COP1: variants seen among roughly 807,000 people sequenced by gnomAD.
The protein encoded by COP1 is E3 ubiquitin-protein ligase COP1.
COP1 carries 24 observed loss-of-function variants against 101.3 expected under a neutral mutation model. The observed-to-expected ratio is 0.24, with a 90% CI of 0.17 to 0.33. COP1 has a LOEUF of 0.33. Ranked by LOEUF, COP1 falls within the 10% of genes least tolerant of loss-of-function variation. The probability of loss-of-function intolerance (pLI) is 1.00; values close to 1 mark genes in which losing one functional copy is unlikely to be tolerated. For missense variants in COP1, 663 were observed against 906.2 expected (o/e 0.73, Z 3.45); for synonymous variants, 347 against 341.9 (o/e 1.01, Z -0.17).
At chr1:176,078,222 T>C (rs1289916131) in intron 11 of COP1, among the ~76,000 whole-genome samples, 1 of 152,122 alleles carries the variant, frequency 6.6e-6, no homozygotes, top group Admixed American at 6.5e-5. Flanking sequence ...CCTGGAGGCA[T>C]CACACTACCC....
At chr1:176,202,886 A>G (rs1700412882) in intron 1 of COP1, among the ~76,000 whole-genome samples, 1 of 152,174 alleles carries the variant, frequency 6.6e-6, no homozygotes. Context: ...TTATGATATT[A>G]TAATTACACA....
chr1:176,096,509 G>T (rs1479915193), intron 9 of COP1, among the ~76,000 whole-genome samples: 3 of 152,314 alleles, frequency 2.0e-5, no homozygotes. Context: ...GGCCTCAGGG[G>T]CCTGGGCCCT....
At chr1:176,166,914 A>G (rs1276455455) in intron 3 of COP1, among the ~76,000 whole-genome samples, 1 of 152,208 alleles carries the variant, frequency 6.6e-6, no homozygotes, top group African/African-American at 2.4e-5. Flanking sequence ...TCCAGCCTGC[A>G]TGACAGAGAG....
At chr1:176,151,357 G>GAA (rs753197621) in intron 5 of COP1, among the ~76,000 whole-genome samples, 1 of 29,532 alleles carries the variant, frequency 3.4e-5, no homozygotes, top group African/African-American at 9.4e-5. Context: ...GAAAGAAAAA[G>GAA]AAAGAAAGAA....
At chr1:176,023,706 G>C (rs1571747709) in intron 15 of COP1, among the ~76,000 whole-genome samples, 1 of 97,002 alleles carries the variant, frequency 1.0e-5, no homozygotes, top group Non-Finnish European at 1.9e-5. Context: ...CAACAAGAGT[G>C]AAACTCCATC....
chr1:175,957,238 C>CCACT (rs1439023385), intron 18 of COP1, among the ~76,000 whole-genome samples: 1 of 151,912 alleles, frequency 6.6e-6, no homozygotes, highest in African/African-American at 2.4e-5. Context: ...CGTTCACTCA[C>CCACT]CACTCACTCC....
chr1:176,139,718 C>G (rs1211027757), intron 6 of COP1, among the ~76,000 whole-genome samples: 1 of 152,064 alleles, frequency 6.6e-6, no homozygotes, highest in Non-Finnish European at 1.5e-5. Flanking sequence ...AAGAGAAAAC[C>G]AAATACCACA....
At chr1:176,043,574 T>A in intron 13 of COP1, 136 bp downstream of exon 13, 1 of 647,994 alleles carries the variant, frequency 1.5e-6, no homozygotes, top group South Asian at 2.0e-5. Flanking sequence ...CATTTGGTAT[T>A]GCATAGGTGT....
In COP1 at chr1:176,086,840, A is replaced by G. The variant is rs1046339244; in HGVS notation, c.1027-950T>C. Among the ~76,000 whole-genome samples the G allele has an allele frequency of 1.4e-4, 22 of 152,246 alleles. 1 individual carries two copies. Among genetic ancestry groups the G allele is most frequent in the Admixed American group, 8.5e-4 (13 of 15,286 alleles). The stretch of plus-strand genomic sequence containing the variant: ...AAAAGAACAAAGCTGGAGGCATCAC[A>G]CTACCTGACTTCAAACTATACTACA... On this transcript the variant is annotated intron_variant, in intron 9 of 19. Coordinates refer to ENST00000367669, the MANE Select transcript of COP1 (RefSeq NM_022457.7).
chr1:176,015,536 T>G (rs958989386), intron 15 of COP1, among the ~76,000 whole-genome samples: 2 of 152,034 alleles, frequency 1.3e-5, no homozygotes, highest in African/African-American at 4.8e-5. Context: ...ATACAATAAT[T>G]GAGCTGAGTA....
chr1:175,966,128 A>G (rs1181308463), intron 18 of COP1, among the ~76,000 whole-genome samples: 1 of 152,204 alleles, frequency 6.6e-6, no homozygotes, highest in Admixed American at 6.5e-5. Context: ...GTAAAAATAT[A>G]TATAAATATG....
chr1:175,978,888 T>C (rs1273333615), intron 18 of COP1, among the ~76,000 whole-genome samples: 2 of 152,148 alleles, frequency 1.3e-5, no homozygotes, highest in Non-Finnish European at 1.5e-5. Flanking sequence ...AAAGTTAGTA[T>C]ATTTTTAGGA....
chr1:176,048,898 C>T lies in COP1; in HGVS notation c.1278-2574G>A, dbSNP rs938016364. On this transcript the variant is annotated intron_variant, in intron 11 of 19. Coordinates refer to ENST00000367669, the MANE Select transcript of COP1 (RefSeq NM_022457.7). ...GCTGTCAAAAGAATTAAGGGCCGGG[C>T]GCGGTGGCTCACGCCTGTAATCCCA... Among the ~76,000 whole-genome samples, 22 of 152,256 alleles carry T rather than the reference C, an allele frequency of 1.4e-4. No individual in the cohort carries two copies. In the East Asian group the frequency reaches 2.9e-3, roughly 20 times the overall value.
At chr1:176,054,023 T>C (rs1315385477) in intron 11 of COP1, among the ~76,000 whole-genome samples, 1 of 152,186 alleles carries the variant, frequency 6.6e-6, no homozygotes, top group African/African-American at 2.4e-5. Flanking sequence ...CCTTAAGGTA[T>C]AGTGATCCTT....
intron 18 of COP1, among the ~76,000 whole-genome samples, chr1:175,966,168 T>C (rs1256499240): frequency 6.6e-6 from 1 of 152,090 alleles, no homozygotes; most frequent in Non-Finnish European, 1.5e-5. Context: ...AAAACTACAA[T>C]CTATCAATAA....
At chr1:176,202,403 G>C (rs973855087) in intron 1 of COP1, among the ~76,000 whole-genome samples, 4 of 151,870 alleles carry the variant, frequency 2.6e-5, no homozygotes, top group African/African-American at 9.7e-5. Flanking sequence ...TGCCCAGGAT[G>C]GTCTCAAACT....
intron 18 of COP1, among the ~76,000 whole-genome samples, chr1:175,950,462 T>G (rs998483173): frequency 6.6e-6 from 1 of 152,144 alleles, no homozygotes; most frequent in Non-Finnish European, 1.5e-5. Flanking sequence ...AGCATAGAGA[T>G]GTGGAAGTGG....
At chr1:176,161,525 G>C (rs916768361) in intron 5 of COP1, among the ~76,000 whole-genome samples, 2 of 152,078 alleles carry the variant, frequency 1.3e-5, no homozygotes, top group African/African-American at 4.8e-5. Context: ...TTGAGCCCAG[G>C]GGGTAGAGGA....
intron 17 of COP1, 136 bp from the exon 18 acceptor site, chr1:175,987,239 G>A: frequency 2.1e-6 from 1 of 476,050 alleles, no homozygotes; most frequent in East Asian, 3.2e-5. Context: ...TAGATCACAG[G>A]ACTAATTAGA....
Sources: allele counts gnomAD v4.1 joint callset (sites outside exome capture counted in the v4.1 genomes callset), GRCh38; gene constraint gnomAD v4.1.1; transcripts MANE v1.5; gene names NCBI Gene and HGNC (gene_info 2026-07-23, HGNC 2026-07-21).